TMEM164: variants seen among roughly 807,000 people sequenced by gnomAD.
TMEM164 encodes RP13-360B22.2.
TMEM164 carries 4 observed loss-of-function variants against 18.8 expected under a neutral mutation model. That is an observed-to-expected ratio of 0.21 (90% confidence interval 0.10 to 0.49). The LOEUF is 0.49. Among genes scored for constraint, TMEM164 ranks in the 20% least tolerant of loss-of-function variants. The pLI is 0.98. For synonymous variants in TMEM164, 86 were observed against 101.7 expected, an observed-to-expected ratio of 0.85 and a Z score of 0.93; for missense variants, 108 against 239.9, an observed-to-expected ratio of 0.45 and a Z score of 3.63.
At chrX:110,016,648 T>C (rs1027656991) in intron 2 of TMEM164, among the ~76,000 whole-genome samples, 6 of 111,334 alleles carry the variant, frequency 5.4e-5, no homozygotes, top group Non-Finnish European at 7.5e-5. Flanking sequence ...AGGTTGTTTT[T>C]TGTTTCATGT....
intron 5 of TMEM164, among the ~76,000 whole-genome samples, chrX:110,167,836 G>A (rs1341867566): frequency 8.9e-6 from 1 of 111,753 alleles, no homozygotes; most frequent in Non-Finnish European, 1.9e-5. Context: ...ATGCAGCACA[G>A]AATGAATGCT....
intron 2 of TMEM164, among the ~76,000 whole-genome samples, chrX:110,014,746 T>G (rs1933230193): frequency 7.0e-5 from 2 of 28,722 alleles, no homozygotes; most frequent in Admixed American, 1.2e-3. Flanking sequence ...GGTTGTTTCT[T>G]TTTTTTTTTT....
chrX:110,134,517 A>C (rs1350317281), intron 4 of TMEM164, among the ~76,000 whole-genome samples: 1 of 94,500 alleles, frequency 1.1e-5, no homozygotes, highest in South Asian at 6.2e-4. Flanking sequence ...CCTAGATCAC[A>C]CCACTGCACG....
rs1183013994 is a variant in TMEM164 at position 110,093,479 on chromosome X, A to G, written c.441-15601A>G. ...TAGATTTTCTAGTTTATTTGTGTAG[A>G]GGTCTTTATAGTATTCTCTGATAGT... On this transcript the variant is annotated intron_variant, in intron 3 of 6. Coordinates refer to ENST00000372068, the MANE Select transcript of TMEM164 (RefSeq NM_032227.4). Among the ~76,000 whole-genome samples, 4 of 111,889 alleles carry G rather than the reference A, an allele frequency of 3.6e-5. No homozygotes were observed. In the Admixed American group the frequency reaches 3.8e-4, roughly 11 times the overall value.
intron 4 of TMEM164, among the ~76,000 whole-genome samples, chrX:110,133,368 C>A (rs1428121241): frequency 9.0e-6 from 1 of 111,541 alleles, no homozygotes; most frequent in African/African-American, 3.3e-5. Context: ...CCAGCCTAGT[C>A]TTGAACTCCT....
At chrX:110,024,390 T>TC (rs60059639) in intron 2 of TMEM164, among the ~76,000 whole-genome samples, 2,849 of 111,326 alleles carry the variant, frequency 0.026, 88 homozygotes, top group African/African-American at 0.088. Context: ...ACTCAAGAGT[T>TC]CTTCCACCTC....
At chrX:110,010,932 A>T (rs1932966984) in intron 2 of TMEM164, among the ~76,000 whole-genome samples, 1 of 111,613 alleles carries the variant, frequency 9.0e-6, no homozygotes, top group African/African-American at 3.3e-5. Context: ...GTCCTTCTAT[A>T]TCCCCCCGCT....
chrX:110,048,726 T>C (rs73540245), intron 2 of TMEM164, among the ~76,000 whole-genome samples: 241 of 111,867 alleles, frequency 2.2e-3, no homozygotes, highest in African/African-American at 7.4e-3. Flanking sequence ...TCTCAAATCA[T>C]TTGATCAGGG....
chrX:110,103,412 G>T (rs1425792114), intron 3 of TMEM164, among the ~76,000 whole-genome samples: 1 of 111,725 alleles, frequency 9.0e-6, no homozygotes, highest in Admixed American at 9.5e-5. Context: ...AATAGTTAAG[G>T]ATTGGCTAGT....
chrX:110,030,907 T>C (rs1423329960), intron 2 of TMEM164, among the ~76,000 whole-genome samples: 1 of 111,754 alleles, frequency 8.9e-6, no homozygotes, highest in Non-Finnish European at 1.9e-5. Context: ...TTTAAAAATT[T>C]TAAAATTTTT....
chrX:110,183,918 C>T (rs1364175781), downstream of TMEM164, among the ~76,000 whole-genome samples: 1 of 111,791 alleles, frequency 8.9e-6, no homozygotes. Context: ...GATGAATGGG[C>T]TAAGCACAGA....
At chrX:110,014,744 C>CTT (rs142705177) in intron 2 of TMEM164, among the ~76,000 whole-genome samples, 11 of 54,239 alleles carry the variant, frequency 2.0e-4, no homozygotes, top group African/African-American at 6.8e-4. Flanking sequence ...TTGGTTGTTT[C>CTT]TTTTTTTTTT....
chrX:110,065,762 G>T (rs1308530771), intron 2 of TMEM164, among the ~76,000 whole-genome samples: 1 of 111,584 alleles, frequency 9.0e-6, no homozygotes, highest in Non-Finnish European at 1.9e-5. Context: ...ACTCCCAGTG[G>T]GGTTTGAGGC....
intron 2 of TMEM164, among the ~76,000 whole-genome samples, chrX:110,038,869 AT>A (rs1388346334): frequency 1.1e-5 from 1 of 91,390 alleles, no homozygotes; most frequent in Non-Finnish European, 2.2e-5. Flanking sequence ...GGGAAGGGGA[AT>A]TTTTTTTAAA....
At chrX:110,162,127 G>T (rs180708131) in intron 5 of TMEM164, among the ~76,000 whole-genome samples, 28 of 112,852 alleles carry the variant, frequency 2.5e-4, no homozygotes, top group Non-Finnish European at 4.9e-4. Context: ...GATACAGAAC[G>T]AGTTGAAACC....
intron 3 of TMEM164, among the ~76,000 whole-genome samples, chrX:110,094,889 C>G (rs2147932901): frequency 9.0e-6 from 1 of 111,682 alleles, no homozygotes; most frequent in African/African-American, 3.3e-5. Context: ...GACAAAATCT[C>G]TCAGCATTTG....
chrX:110,022,294 T>G (rs1439841460), intron 2 of TMEM164, among the ~76,000 whole-genome samples: 1 of 110,976 alleles, frequency 9.0e-6, no homozygotes, highest in Non-Finnish European at 1.9e-5. Flanking sequence ...GCTTGTAAAG[T>G]GTTGGTCCCA....
intron 2 of TMEM164, among the ~76,000 whole-genome samples, chrX:110,066,572 T>C (rs1936349347): frequency 8.9e-6 from 1 of 112,334 alleles, no homozygotes; most frequent in African/African-American, 3.2e-5. Flanking sequence ...GGAATTTGTA[T>C]GTTTTACAAG....
chrX:110,182,785 C>T (rs2067328358), downstream of TMEM164: 1 of 112,083 alleles, frequency 8.9e-6, no homozygotes, highest in Admixed American at 9.4e-5. Flanking sequence ...GAGCCATGGG[C>T]ATTTCACTGC....
Sources: gnomAD v4.1 joint callset for allele counts (sites outside exome capture counted in the v4.1 genomes callset) on GRCh38, gnomAD v4.1.1 for gene constraint, MANE v1.5 for transcripts, NCBI Gene and HGNC (gene_info 2026-07-23, HGNC 2026-07-21) for gene names.